The following OSBP2 variants were observed in gnomAD, a reference collection of about 807,000 sequenced individuals.
OSBP2 encodes oxysterol binding protein 2.
Under a neutral mutation model 96.0 loss-of-function variants are expected in OSBP2, and 66 were observed. The ratio of observed to expected loss-of-function variants is 0.69; its 90% CI spans 0.56 to 0.84. The LOEUF (loss-of-function observed/expected upper bound fraction) is 0.84, where lower values mean the gene tolerates loss of function less well. Ranked by LOEUF, OSBP2 falls within the 40% of genes least tolerant of loss-of-function variation. The probability of loss-of-function intolerance (pLI) is 0.00; values close to 1 mark genes in which losing one functional copy is unlikely to be tolerated. For synonymous variants in OSBP2, 525 were observed against 520.9 expected (o/e 1.01, Z -0.11); for missense variants, 1,038 against 1,222.7 (o/e 0.85, Z 2.25).
At chr22:30,812,310 C>T (rs1007176493) in intron 2 of OSBP2, among the ~76,000 whole-genome samples, 3 of 152,092 alleles carry the variant, frequency 2.0e-5, no homozygotes, top group Admixed American at 1.3e-4. Context: ...GGACTACAGG[C>T]GCGCACCACC....
intron 3 of OSBP2, among the ~76,000 whole-genome samples, chr22:30,876,941 C>CT (rs1308282388): frequency 6.6e-6 from 1 of 152,124 alleles, no homozygotes; most frequent in Admixed American, 6.5e-5. Context: ...TCAGGAACAC[C>CT]TCCCCTGTCT....
chr22:30,735,078 G>A (rs2089829561), intron 1 of OSBP2, among the ~76,000 whole-genome samples: 1 of 152,218 alleles, frequency 6.6e-6, no homozygotes, highest in African/African-American at 2.4e-5. Context: ...TATGGTCCCA[G>A]TTACTTGGGA....
intron 2 of OSBP2, chr22:30,822,668 G>C (rs942490620): frequency 6.5e-7 from 1 of 1,533,778 alleles, no homozygotes; most frequent in Non-Finnish European, 8.7e-7. Flanking sequence ...GCCTCCGTGC[G>C]CTCCTTCTGC....
intron 1 of OSBP2, among the ~76,000 whole-genome samples, chr22:30,705,585 G>A (rs111663577): frequency 0.027 from 4,111 of 152,106 alleles, 98 homozygotes; most frequent in African/African-American, 0.059. Flanking sequence ...GAGCTACCGC[G>A]TCTGGCCTCC....
At chr22:30,812,715 A>C (rs2145860269) in intron 2 of OSBP2, among the ~76,000 whole-genome samples, 1 of 152,316 alleles carries the variant, frequency 6.6e-6, no homozygotes, top group Non-Finnish European at 1.5e-5. Context: ...TGTCAGCCAA[A>C]AATAATGCAT....
chr22:30,814,920 A>G (rs985199276), intron 2 of OSBP2, among the ~76,000 whole-genome samples: 2 of 152,134 alleles, frequency 1.3e-5, no homozygotes, highest in African/African-American at 4.8e-5. Flanking sequence ...CAGCTTGTAG[A>G]TCTGAGCTCA....
At chr22:30,761,028 C>G (rs1448319249) in intron 2 of OSBP2, among the ~76,000 whole-genome samples, 1 of 152,156 alleles carries the variant, frequency 6.6e-6, no homozygotes, top group Non-Finnish European at 1.5e-5. Context: ...TGATAGAAGA[C>G]TGAATGCTTT....
chr22:30,822,976 A>T (rs2146983341), intron 2 of OSBP2, among the ~76,000 whole-genome samples: 2 of 152,304 alleles, frequency 1.3e-5, no homozygotes, highest in Middle Eastern at 6.8e-3. Flanking sequence ...AAGAAAATGA[A>T]ATATAATCTA....
intron 2 of OSBP2, among the ~76,000 whole-genome samples, chr22:30,780,960 G>C (rs1358562576): frequency 1.3e-5 from 2 of 151,928 alleles, no homozygotes; most frequent in Non-Finnish European, 2.9e-5. Flanking sequence ...CTCATGTACA[G>C]TTTTTATTTT....
At chr22:30,717,317 T>C (rs1299186804) in intron 1 of OSBP2, among the ~76,000 whole-genome samples, 2 of 152,170 alleles carry the variant, frequency 1.3e-5, no homozygotes, top group Non-Finnish European at 2.9e-5. Flanking sequence ...CTTCATTCTT[T>C]TGCACAAGGA....
chr22:30,832,728 A>T (rs1166385935), intron 2 of OSBP2, among the ~76,000 whole-genome samples: 1 of 152,136 alleles, frequency 6.6e-6, no homozygotes, highest in Non-Finnish European at 1.5e-5. Flanking sequence ...GCGGGGTATT[A>T]ACTTCTCAGG....
intron 6 of OSBP2, 35 bp from the exon 7 acceptor site, chr22:30,889,455 T>C: frequency 6.2e-7 from 1 of 1,613,552 alleles, no homozygotes; most frequent in East Asian, 2.2e-5. Flanking sequence ...CTCTGGCCTC[T>C]GCTGACGGTG....
chr22:30,849,677 T>G (rs1226742731), intron 2 of OSBP2, among the ~76,000 whole-genome samples: 1 of 152,196 alleles, frequency 6.6e-6, no homozygotes, highest in Non-Finnish European at 1.5e-5. Flanking sequence ...TCTCCTGTGG[T>G]TTACCTTTTC....
chr22:30,884,222 A>C (rs1404503083), intron 3 of OSBP2, among the ~76,000 whole-genome samples: 1 of 152,196 alleles, frequency 6.6e-6, no homozygotes, highest in Non-Finnish European at 1.5e-5. Context: ...TCTTTCCTCG[A>C]GGAGGCCTTT....
Position 30,905,134 on chromosome 22 carries a change from CTTTTTTTTTTTTTTTTT to C in OSBP2, c.2376-689_2376-673del, listed in dbSNP as rs566334052. 9.2e-4 allele frequency among the ~76,000 whole-genome samples: 63 copies of C among 68,736 alleles called. 1 individual carries two copies. The highest frequency in any genetic ancestry group is 1.4e-3 in the Non-Finnish European group (54 of 37,380). 45.1% of individuals were successfully genotyped at this position (68,736 alleles called of 152,430 possible). A position where few individuals can be genotyped will look rare whatever the true frequency, so the allele number is the denominator to read the frequency against. On this transcript the variant is annotated intron_variant, in intron 12 of 13. Transcript: ENST00000332585. ...GCCTGGGCCACAGAGCGAGACCCGT[CTTTTTTTTTTTTTTTTT>C]TTTTTTTTTTTTTAGACGGAGCCTC...
At chr22:30,814,309 G>A (rs772443160) in intron 2 of OSBP2, among the ~76,000 whole-genome samples, 1 of 151,730 alleles carries the variant, frequency 6.6e-6, no homozygotes, top group African/African-American at 2.4e-5. Context: ...GCTTGTGGAT[G>A]GCTGCTTTCT....
At chr22:30,822,653 A>C in intron 2 of OSBP2, 1 of 1,534,038 alleles carries the variant, frequency 6.5e-7, no homozygotes, top group Non-Finnish European at 8.7e-7. Context: ...GGCTGCTGGG[A>C]CACGGCCTCC....
intron 2 of OSBP2, chr22:30,822,602 G>C (rs917740928): frequency 2.0e-6 from 3 of 1,524,562 alleles, no homozygotes; most frequent in Non-Finnish European, 2.6e-6. Flanking sequence ...GTAGCGCCCC[G>C]CCGATTGGAG....
intron 2 of OSBP2, among the ~76,000 whole-genome samples, chr22:30,867,431 T>C (rs1367229482): frequency 1.3e-5 from 2 of 152,212 alleles, no homozygotes; most frequent in South Asian, 2.1e-4. Flanking sequence ...GAGGAACCCA[T>C]GGGCCTAGGT....
Sources: gnomAD v4.1 joint callset for allele counts (sites outside exome capture counted in the v4.1 genomes callset) on GRCh38, gnomAD v4.1.1 for gene constraint, MANE v1.5 for transcripts, NCBI Gene and HGNC (gene_info 2026-07-23, HGNC 2026-07-21) for gene names.